Variants in SATB1 observed in about 807,000 individuals in gnomAD.
SATB1 encodes SATB homeobox 1.
Under a neutral mutation model 86.9 loss-of-function variants are expected in SATB1, and 11 were observed. That is an observed-to-expected ratio of 0.13 (90% CI 0.08 to 0.21). The LOEUF (loss-of-function observed/expected upper bound fraction) is 0.21. Among genes scored for constraint, SATB1 ranks in the 10% least tolerant of loss-of-function variants. The pLI is 1.00. For missense variants in SATB1, 551 were observed against 937.6 expected (o/e 0.59, Z 5.39); for synonymous variants, 357 against 357.2 (o/e 1.00, Z 0.01).
upstream of SATB1, among the ~76,000 whole-genome samples, chr3:18,427,537 A>C (rs1005020714): frequency 4.6e-5 from 7 of 152,252 alleles, no homozygotes; most frequent in Non-Finnish European, 8.8e-5. Flanking sequence ...ATCAATATTA[A>C]GATAGACTGA....
chr3:18,436,455 C>T (rs1048986074), intron 2 of SATB1, among the ~76,000 whole-genome samples: 4 of 147,380 alleles, frequency 2.7e-5, no homozygotes, highest in Non-Finnish European at 3.0e-5. Flanking sequence ...GCACACTTAA[C>T]CTAATACTGA....
intron 8 of SATB1, among the ~76,000 whole-genome samples, chr3:18,381,984 A>C (rs1446184504): frequency 1.3e-5 from 2 of 152,180 alleles, no homozygotes; most frequent in African/African-American, 4.8e-5. Flanking sequence ...AATGGGATGC[A>C]TTTTATAACC....
intron 6 of SATB1, among the ~76,000 whole-genome samples, chr3:18,395,972 T>A (rs1696944609): frequency 6.6e-6 from 1 of 152,264 alleles, no homozygotes. Flanking sequence ...TTGATTTTAA[T>A]CATCAATTCT....
intron 5 of SATB1, among the ~76,000 whole-genome samples, chr3:18,404,761 T>C (rs937045212): frequency 2.0e-5 from 3 of 151,868 alleles, no homozygotes; most frequent in African/African-American, 7.2e-5. Context: ...TTTGTATAAG[T>C]ACCTAGCCAG....
At chr3:18,396,833 A>C (rs529028622) in intron 6 of SATB1, among the ~76,000 whole-genome samples, 2 of 152,278 alleles carry the variant, frequency 1.3e-5, no homozygotes, top group Admixed American at 6.5e-5. Context: ...AGACAAAAAC[A>C]AAAAACCTAA....
chr3:18,345,497 A>G lies in SATB1; in HGVS notation c.*3673T>C, dbSNP rs1222045232. The G allele has an allele frequency of 6.6e-6, 1 of 152,146 alleles. No individual in the cohort carries two copies. The highest frequency in any genetic ancestry group is 2.4e-5 in the African/African-American group (1 of 41,462). The allele number at this position is 152,146 out of a possible 1,614,324, so 9.4% of individuals were successfully genotyped here. ...AATTAGGGTACTTTATATTTTATCA[A>G]AAATGTGCATATTAATAGATTGTAG... On this transcript the variant is annotated 3_prime_UTR_variant, in exon 11 of 11. Coordinates refer to ENST00000338745, the MANE Select transcript of SATB1 (RefSeq NM_002971.6).
intron 2 of SATB1, among the ~76,000 whole-genome samples, chr3:18,431,816 G>A (rs1575183979): frequency 6.6e-6 from 1 of 152,276 alleles, no homozygotes; most frequent in East Asian, 1.9e-4. Flanking sequence ...AAAAGTGGGG[G>A]CAGGAAGCTA....
At chr3:18,417,493 T>C (rs1255054372) in intron 2 of SATB1, 5 of 601,464 alleles carry the variant, frequency 8.3e-6, no homozygotes, top group Non-Finnish European at 1.5e-5. Flanking sequence ...TTCTACTGCT[T>C]ACATGATTTT....
At chr3:18,399,069 T>C (rs1697110775) in intron 5 of SATB1, among the ~76,000 whole-genome samples, 1 of 152,214 alleles carries the variant, frequency 6.6e-6, no homozygotes, top group Non-Finnish European at 1.5e-5. Flanking sequence ...AAAAAAATTA[T>C]TACTCTTTAT....
intron 2 of SATB1, among the ~76,000 whole-genome samples, chr3:18,431,147 G>A (rs1222064854): frequency 6.6e-6 from 1 of 152,112 alleles, no homozygotes; most frequent in Non-Finnish European, 1.5e-5. Flanking sequence ...CCAAAATCGA[G>A]TAAGAAGAAG....
chr3:18,425,749 C>G (rs1275455346), upstream of SATB1, among the ~76,000 whole-genome samples: 1 of 150,594 alleles, frequency 6.6e-6, no homozygotes, highest in Non-Finnish European at 1.5e-5. Context: ...GCTTCCCTGG[C>G]AGCGTCCGCC....
chr3:18,382,765 CCATTCT>C (rs1381928881), intron 8 of SATB1, among the ~76,000 whole-genome samples: 1 of 152,188 alleles, frequency 6.6e-6, no homozygotes, highest in Non-Finnish European at 1.5e-5. Context: ...GCTCCTCTTC[CCATTCT>C]AACAAGAAAA....
intron 9 of SATB1, among the ~76,000 whole-genome samples, chr3:18,359,400 C>T (rs866314184): frequency 5.3e-5 from 8 of 151,770 alleles, no homozygotes; most frequent in Admixed American, 2.6e-4. Context: ...CAGGAATGAA[C>T]ATAAAAGTAT....
chr3:18,374,105 C>G (rs1695612885), intron 9 of SATB1, among the ~76,000 whole-genome samples: 1 of 152,156 alleles, frequency 6.6e-6, no homozygotes. Context: ...CAAGCTCCAC[C>G]TATGCAAACA....
At position 18,377,204 on chromosome 3, in the gene SATB1, T is replaced by C. The variant is rs564948908; in HGVS notation, c.1575+966A>G. ...CCACAATTGTGTATTTCATCAGAAGTTGACAACAGCCAGGCTGTTTTAGGA... is the reference window on the plus strand; with the variant it reads ...CCACAATTGTGTATTTCATCAGAAGCTGACAACAGCCAGGCTGTTTTAGGA... On this transcript the variant is annotated intron_variant, in intron 9 of 10. Transcript: ENST00000338745. Among the ~76,000 whole-genome samples, 13 of 152,184 alleles carry C rather than the reference T, an allele frequency of 8.5e-5. 1 individual carries two copies. The highest frequency in any genetic ancestry group is 3.3e-4 in the Admixed American group (5 of 15,272).
chr3:18,439,615 T>A (rs1437298174), upstream of SATB1, among the ~76,000 whole-genome samples: 1 of 152,158 alleles, frequency 6.6e-6, no homozygotes. Context: ...TTCAGTGTAG[T>A]GAAGGAGAAC....
intron 8 of SATB1, among the ~76,000 whole-genome samples, chr3:18,383,302 C>T (rs1400358358): frequency 6.6e-6 from 1 of 152,192 alleles, no homozygotes; most frequent in Non-Finnish European, 1.5e-5. Context: ...TTGAAGATGA[C>T]TTAGAATTCA....
chr3:18,351,554 A>G, intron 10 of SATB1: 1 of 626,128 alleles, frequency 1.6e-6, no homozygotes, highest in Admixed American at 3.0e-5. Flanking sequence ...CTCTTTCTGG[A>G]CAGAATCCAA....
intron 9 of SATB1, among the ~76,000 whole-genome samples, chr3:18,370,877 G>A (rs113065019): frequency 1.3e-4 from 20 of 152,324 alleles, no homozygotes; most frequent in African/African-American, 2.9e-4. Context: ...CATCCGTAGC[G>A]TCGATACTCG....
Sources: gnomAD v4.1 joint callset for allele counts (sites outside exome capture counted in the v4.1 genomes callset) on GRCh38, gnomAD v4.1.1 for gene constraint, MANE v1.5 for transcripts, NCBI Gene and HGNC (gene_info 2026-07-23, HGNC 2026-07-21) for gene names.